The following ANK2 variants were observed in gnomAD, a reference collection of about 807,000 sequenced individuals.
The protein encoded by ANK2 is ankyrin-2.
In ANK2, 83 loss-of-function variants were observed where a neutral mutation model predicts 360.5. The ratio of observed to expected loss-of-function variants is 0.23; its 90% confidence interval spans 0.19 to 0.28. The LOEUF (loss-of-function observed/expected upper bound fraction) is 0.28, where lower values mean the gene tolerates loss of function less well. ANK2 is among the 10% of genes least tolerant of loss of function. The pLI is 1.00. For synonymous variants in ANK2, 1,740 were observed against 1,759.5 expected (o/e 0.99, Z 0.28); for missense variants, 4,201 against 4,795.7 (o/e 0.88, Z 3.66).
At chr4:112,984,981 A>T (rs533915282) in intron 2 of ANK2, among the ~76,000 whole-genome samples, 1 of 152,328 alleles carries the variant, frequency 6.6e-6, no homozygotes, top group South Asian at 2.1e-4. Context: ...TACAATATGC[A>T]GAAAAGTTGA....
At chr4:113,275,023 A>G (rs2059721679) in intron 15 of ANK2, among the ~76,000 whole-genome samples, 1 of 152,206 alleles carries the variant, frequency 6.6e-6, no homozygotes, top group Non-Finnish European at 1.5e-5. Flanking sequence ...ACTGCATTAG[A>G]TTGGCAGTAC....
the ANK2 span, among the ~76,000 whole-genome samples, chr4:112,812,009 A>G: frequency 7.8e-6 from 1 of 128,818 alleles, no homozygotes; most frequent in African/African-American, 2.9e-5. Flanking sequence ...CGGGAGGCGG[A>G]GGTTGCAGTG....
chr4:113,198,484 A>G (rs2098782561), intron 3 of ANK2, among the ~76,000 whole-genome samples: 1 of 152,102 alleles, frequency 6.6e-6, no homozygotes, highest in African/African-American at 2.4e-5. Context: ...ATGGTAGAAA[A>G]TCATTGGTAC....
intron 2 of ANK2, among the ~76,000 whole-genome samples, chr4:112,947,711 C>G (rs914827210): frequency 2.0e-5 from 3 of 152,124 alleles, no homozygotes; most frequent in Non-Finnish European, 4.4e-5. Context: ...CACTTTGAAA[C>G]TTACTTAAAA....
At chr4:113,294,587 A>T (rs1323393463) in intron 22 of ANK2, among the ~76,000 whole-genome samples, 4 of 152,204 alleles carry the variant, frequency 2.6e-5, no homozygotes, top group Non-Finnish European at 4.4e-5. Flanking sequence ...GTTCCTGTTG[A>T]CATATATTGA....
At chr4:113,235,907 A>G (rs1213962911) in intron 5 of ANK2, among the ~76,000 whole-genome samples, 1 of 150,790 alleles carries the variant, frequency 6.6e-6, no homozygotes. Flanking sequence ...ACGCCCGGCT[A>G]ATTTTTGTGT....
chr4:112,784,405 C>G, the ANK2 span, among the ~76,000 whole-genome samples: 1 of 145,278 alleles, frequency 6.9e-6, no homozygotes, highest in African/African-American at 2.5e-5. Context: ...TCGCCCAGGC[C>G]GGAGTGCAGT....
intron 1 of ANK2, among the ~76,000 whole-genome samples, chr4:112,879,227 T>A (rs2076065401): frequency 6.6e-6 from 1 of 152,170 alleles, no homozygotes; most frequent in Non-Finnish European, 1.5e-5. Flanking sequence ...TGGGGATCAC[T>A]TGTGAACCTA....
chr4:112,864,838 C>G (rs1432918545), intron 1 of ANK2, among the ~76,000 whole-genome samples: 2 of 150,612 alleles, frequency 1.3e-5, no homozygotes, highest in African/African-American at 2.4e-5. Flanking sequence ...TGAGACCATC[C>G]TGGCTAACAC....
Position 113,258,426 on chromosome 4 carries a change from G to C in ANK2, c.1386+15G>C, listed in dbSNP as rs1165036284. On this transcript the variant is annotated intron_variant, in intron 13 of 45. Transcript: ENST00000357077. ...TCACTAACATTGTGAGTATGGCTTG[G>C]GTCAGAATAACCCCAGGGAGGAAGA... 3.1e-6 allele frequency: 5 copies of C among 1,605,478 alleles called. No homozygotes were observed. Among genetic ancestry groups the C allele is most frequent in the Non-Finnish European group, 4.3e-6 (5 of 1,172,352 alleles).
At chr4:113,272,254 A>T (rs896733351) in intron 14 of ANK2, among the ~76,000 whole-genome samples, 8 of 152,188 alleles carry the variant, frequency 5.3e-5, no homozygotes, top group Non-Finnish European at 5.9e-5. Flanking sequence ...GGCAAAGCAG[A>T]GCTCACCTAC....
chr4:112,740,907 T>C, the ANK2 span, among the ~76,000 whole-genome samples: 3 of 151,898 alleles, frequency 2.0e-5, no homozygotes, highest in Non-Finnish European at 4.4e-5. Context: ...GAAGAATCAC[T>C]TGAACCCGGG....
At chr4:112,736,131 C>A in the ANK2 span, among the ~76,000 whole-genome samples, 1 of 152,040 alleles carries the variant, frequency 6.6e-6, no homozygotes, top group African/African-American at 2.4e-5. Flanking sequence ...AACTTAATAA[C>A]CTAATAGCTG....
intron 2 of ANK2, among the ~76,000 whole-genome samples, chr4:113,009,946 A>ACACACACACACACACACACACT (rs386401178): frequency 6.6e-6 from 1 of 151,714 alleles, no homozygotes; most frequent in African/African-American, 2.4e-5. Flanking sequence ...ACACACACAC[A>ACACACACACACACACACACACT]CTCACACACA....
chr4:113,055,849 C>T (rs907466778), intron 1 of ANK2, among the ~76,000 whole-genome samples: 48 of 152,274 alleles, frequency 3.2e-4, no homozygotes, highest in Admixed American at 2.0e-4. Context: ...TTCTGTGTCT[C>T]TTGCAAAGAT....
chr4:113,329,997 C>T (rs1723310150), intron 26 of ANK2, among the ~76,000 whole-genome samples: 1 of 152,074 alleles, frequency 6.6e-6, no homozygotes, highest in African/African-American at 2.4e-5. Flanking sequence ...TTGAACATCA[C>T]CATTGTCAGC....
intron 17 of ANK2, among the ~76,000 whole-genome samples, chr4:113,278,798 A>G (rs752577243): frequency 1.3e-5 from 2 of 152,166 alleles, no homozygotes; most frequent in Non-Finnish European, 2.9e-5. Context: ...ACCAGTAGAG[A>G]TGAATCTTAT....
At chr4:112,970,951 A>G (rs1225157016) in intron 2 of ANK2, among the ~76,000 whole-genome samples, 1 of 152,216 alleles carries the variant, frequency 6.6e-6, no homozygotes, top group Non-Finnish European at 1.5e-5. Flanking sequence ...CATGTTGCAC[A>G]TCATAAATAT....
At chr4:112,883,864 A>G (rs2077499152) in intron 1 of ANK2, among the ~76,000 whole-genome samples, 3 of 142,146 alleles carry the variant, frequency 2.1e-5, no homozygotes, top group East Asian at 1.9e-4. Context: ...TCATTCATAT[A>G]TATATGTATA....
Sources: gnomAD v4.1 joint callset for allele counts (sites outside exome capture counted in the v4.1 genomes callset) on GRCh38, gnomAD v4.1.1 for gene constraint, MANE v1.5 for transcripts, NCBI Gene and HGNC (gene_info 2026-07-23, HGNC 2026-07-21) for gene names.